SBF1: variants seen among roughly 807,000 people sequenced by gnomAD.
SBF1 encodes myotubularin-related protein 5.
A neutral mutation model predicts 215.8 loss-of-function variants in SBF1; 65 were observed. The ratio of observed to expected loss-of-function variants is 0.30; its 90% CI spans 0.25 to 0.37. The LOEUF (loss-of-function observed/expected upper bound fraction) is 0.37. Among genes scored for constraint, SBF1 ranks in the 10% least tolerant of loss-of-function variants. The pLI is 1.00. For missense variants in SBF1, 2,634 were observed against 2,667.8 expected (o/e 0.99, Z 0.28); for synonymous variants, 1,410 against 1,122.8 (o/e 1.26, Z -5.11).
intron 36 of SBF1, among the ~76,000 whole-genome samples, chr22:50,450,294 G>T (rs2066996292): frequency 6.6e-6 from 1 of 152,192 alleles, no homozygotes; most frequent in Non-Finnish European, 1.5e-5. Flanking sequence ...GCCAATGCGG[G>T]TGGATAACCT....
chr22:50,454,893 G>T lies in SBF1; in HGVS notation c.4733C>A (p.Ser1578Tyr), dbSNP rs780725556. ...CAGCCGGTCCACATACTCCCACACA[G>T]ACCTGCACGGCACCTGGCCCCTGCG... The part of the protein sequence containing the change: ...GERRGQVPCR[S>Y]VWEYVDRLSK... The change falls in exon 35 of 41, where the codon TCT becomes TAT. Residue 1578 changes from serine to tyrosine, a missense_variant. Ser to Tyr is a moderately radical substitution (Grantham distance 144). Coordinates refer to ENST00000380817, the MANE Select transcript of SBF1 (RefSeq NM_002972.4). The T allele has an allele frequency of 2.5e-6, 4 of 1,614,072 alleles. No individual in the cohort carries two copies. The East Asian group carries it at 8.9e-5, about 36-fold the overall frequency.
intron 36 of SBF1, among the ~76,000 whole-genome samples, chr22:50,450,717 CCAAA>C (rs1260200333): frequency 2.0e-5 from 3 of 152,056 alleles, no homozygotes; most frequent in East Asian, 1.9e-4. Flanking sequence ...GGAGAGCTGC[CCAAA>C]CAAAGCTTAG....
chr22:50,454,520 G>A lies in SBF1; in HGVS notation c.5035C>T (p.Leu1679=), dbSNP rs6010066. 4 of 1,609,046 alleles carry A rather than the reference G, an allele frequency of 2.5e-6. No individual in the cohort carries two copies. The highest frequency in any genetic ancestry group is 3.4e-6 in the Non-Finnish European group (4 of 1,179,604). ...TCTGGGATCACACGCACCTCCAGCA[G>A]GCGTGAGATGGCGTCAGGCTGGGCC... ...PRAQPDAISR[L]LEELQRLETE... The change falls in exon 36 of 41, where the codon CTG becomes TTG. Residue 1679 remains leucine, a synonymous_variant. Transcript: ENST00000380817.
At chr22:50,458,352 T>C (rs2067345754) in intron 28 of SBF1, among the ~76,000 whole-genome samples, 1 of 146,698 alleles carries the variant, frequency 6.8e-6, no homozygotes, top group Non-Finnish European at 1.5e-5. Flanking sequence ...AAGCCACGAC[T>C]ACAGCTGAGT....
rs556959842 is a variant in SBF1, at chr22:50,456,552, C to T, written c.4026G>A (p.Pro1342=). The part of the protein sequence containing the change: ...PPQANGGPPD[P]GFLRPQRAAL... ...CTGCTCGCTGCGGACGCAGGAAGCCCGGGTCGGGAGGGCCCCCGTTGGCCT... is the reference window on the plus strand; with the variant it reads ...CTGCTCGCTGCGGACGCAGGAAGCCTGGGTCGGGAGGGCCCCCGTTGGCCT... Residue 1342 remains proline, a synonymous_variant, in exon 30 of 41, where the codon CCG becomes CCA. Coordinates refer to ENST00000380817, the MANE Select transcript of SBF1 (RefSeq NM_002972.4). 4.7e-5 allele frequency: 74 copies of T among 1,587,360 alleles called. No homozygotes were observed. Among genetic ancestry groups the T allele is most frequent in the East Asian group, 6.8e-5 (3 of 44,060 alleles).
chr22:50,470,889 G>C (rs1023226333), intron 1 of SBF1, among the ~76,000 whole-genome samples: 1 of 152,166 alleles, frequency 6.6e-6, no homozygotes, highest in African/African-American at 2.4e-5. Context: ...GCTGTGAGCA[G>C]CTCTCCTCCT....
rs2067812901 is a variant in SBF1 at position 50,467,367 on chromosome 22, A to AC, written c.519dup (p.Cys174ValfsTer19). ...GAGCCCCCAGCCAGGGGCACAGTGC[A>AC]CGTCAGCAGGTTCCCAATCACGTTC... is the stretch of plus-strand genomic sequence containing the variant. On this transcript the variant is annotated frameshift_variant, in exon 5 of 41. Coordinates refer to ENST00000380817, the MANE Select transcript of SBF1 (RefSeq NM_002972.4). LOFTEE classifies it high-confidence loss of function. 6.2e-7 allele frequency: 1 copy of AC among 1,613,994 alleles called. No homozygotes were observed. The highest frequency in any genetic ancestry group is 1.3e-5 in the African/African-American group (1 of 74,928).
Position 50,466,056 on chromosome 22 carries a change from C to G in SBF1, c.916G>C (p.Asp306His). Residue 306 changes from aspartate to histidine, a missense_variant, in exon 9 of 41, where the codon GAT becomes CAT. Asp to His is a moderately conservative substitution (Grantham distance 81). Transcript: ENST00000380817. ...TQELLDVIVA[D>H]LDGGTVTIPE... is the part of the protein sequence containing the mutation. The stretch of plus-strand genomic sequence containing the variant: ...ATGGTGACCGTCCCTCCATCCAGAT[C>G]AGCAACAATCACATCGAGCTGCGGA... 1 of 1,613,860 alleles carries G rather than the reference C, an allele frequency of 6.2e-7. No homozygotes were observed. The highest frequency in any genetic ancestry group is 8.5e-7 in the Non-Finnish European group (1 of 1,180,040).
At chr22:50,454,784 G>A in intron 35 of SBF1, 30 bp downstream of exon 35, 1 of 1,608,542 alleles carries the variant, frequency 6.2e-7, no homozygotes, top group Non-Finnish European at 8.5e-7. Context: ...TCGGGCAGGA[G>A]CCGCCTACCC....
Position 50,456,512 on chromosome 22 carries a change from C to A in SBF1, c.4066G>T (p.Gly1356Trp). 1 of 1,579,032 alleles carries A rather than the reference C, an allele frequency of 6.3e-7. No individual in the cohort carries two copies. ...GTCACCTTGAGCTGGGCTTTGTCCCCAAGGATATAGAGGGCTGCTCGCTGC... is the reference window on the plus strand; with the variant it reads ...GTCACCTTGAGCTGGGCTTTGTCCCAAAGGATATAGAGGGCTGCTCGCTGC... ...RPQRAALYILGDKAQLKGVRS... is the reference protein window; with the variant it reads ...RPQRAALYILWDKAQLKGVRS... The change falls in exon 30 of 41, where the codon GGG becomes TGG. Residue 1356 changes from glycine to tryptophan, a missense_variant. Transcript: ENST00000380817.
rs374287730 is a variant in SBF1, at chr22:50,456,278, C to G, written c.4204G>C (p.Ala1402Pro). 6.2e-7 allele frequency: 1 copy of G among 1,612,654 alleles called. No homozygotes were observed. Among genetic ancestry groups the G allele is most frequent in the East Asian group, 2.2e-5 (1 of 44,870 alleles). Residue 1402 changes from alanine (A) to proline (P), a missense_variant, in exon 31 of 41, where the codon GCT becomes CCT. Coordinates refer to ENST00000380817, the MANE Select transcript of SBF1 (RefSeq NM_002972.4). ...LLKACVPGCP[A>P]AEPSPASFLR... ...AAGGAGGCTGGGCTGGGCTCAGCAG[C>G]GGGGCAGCCTGGGACACATGCTTTC...
rs767535412 is a variant in SBF1 at position 50,448,371 on chromosome 22, C to T, written c.5225G>A (p.Gly1742Glu). Residue 1742 changes from glycine to glutamate, a missense_variant, in exon 38 of 41, where the codon GGG (glycine) becomes GAG (glutamate). Gly to Glu is a moderately conservative substitution (Grantham distance 98). Transcript: ENST00000380817. Reference sequence around the variant, plus strand: ...GAGGCTCAGGGTGGAGCCCACGGGCCCCTCCTGCAGGTACACACCCAGCGA... The same window carrying T: ...GAGGCTCAGGGTGGAGCCCACGGGCTCCTCCTGCAGGTACACACCCAGCGA... ...RRSLGVYLQE[G>E]PVGSTLSLSL... 10 of 1,613,930 alleles carry T rather than the reference C, an allele frequency of 6.2e-6. No homozygotes were observed. The highest frequency in any genetic ancestry group is 5.1e-6 in the Non-Finnish European group (6 of 1,180,038).
Position 50,446,819 on chromosome 22 carries a change from C to T in SBF1, c.*323G>A, listed in dbSNP as rs1569507521. 1.5e-6 allele frequency: 1 copy of T among 680,258 alleles called. No individual in the cohort carries two copies. The highest frequency in any genetic ancestry group is 2.7e-6 in the Non-Finnish European group (1 of 364,676). The allele number at this position is 680,258 out of a possible 1,614,324, so 42.1% of individuals were successfully genotyped here. On this transcript the variant is annotated 3_prime_UTR_variant, in exon 41 of 41. Coordinates refer to ENST00000380817, the MANE Select transcript of SBF1 (RefSeq NM_002972.4). ...GGCACAGGAGCGTGGCGTTAGTTCT[C>T]TCTTTATATAGACTCTGGTTCTAGA...
At chr22:50,468,001 C>T in intron 2 of SBF1, 78 bp from the exon 3 acceptor site, 2 of 1,555,074 alleles carry the variant, frequency 1.3e-6, no homozygotes, top group South Asian at 1.2e-5. Context: ...AGCATCTGCA[C>T]CACCAGGCCT....
Position 50,459,639 on chromosome 22 carries a change from C to T in SBF1, c.3519G>A (p.Gln1173=). ...GCTGCAGGGCGTTGTCCTGGACACT[C>T]TGGGGCACGATCAGCAGCCCTGGGT... ...RSYPGLLIVP[Q]SVQDNALQRV... The change falls in exon 27 of 41, where the codon CAG becomes CAA. Residue 1173 remains glutamine, a synonymous_variant. Transcript: ENST00000380817. The T allele has an allele frequency of 6.2e-7, 1 of 1,607,852 alleles. No homozygotes were observed. The highest frequency in any genetic ancestry group is 8.5e-7 in the Non-Finnish European group (1 of 1,178,090).
At chr22:50,474,670 ACCCAGCCCCCAGCCCTCGGCC>A (rs1569515258) in intron 1 of SBF1, 95 bp downstream of exon 1, 9 of 550,880 alleles carry the variant, frequency 1.6e-5, no homozygotes, top group East Asian at 1.1e-4. Context: ...CGGCCTCCCG[ACCCAGCCCCCAGCCCTCGGCC>A]CCCAGCCCCC....
At chr22:50,458,409 G>C (rs1401478377) in intron 28 of SBF1, among the ~76,000 whole-genome samples, 2 of 152,102 alleles carry the variant, frequency 1.3e-5, no homozygotes, top group Non-Finnish European at 2.9e-5. Context: ...GGGACACGGG[G>C]AGGCAGCAGC....
At chr22:50,462,177 T>G (rs568606740) in intron 19 of SBF1, 28 bp downstream of exon 19, 191 of 1,606,990 alleles carry the variant, frequency 1.2e-4, no homozygotes, top group Admixed American at 2.3e-4. Flanking sequence ...CCGCCTCCAC[T>G]GGGCCCAACC....
chr22:50,463,492 G>C, intron 15 of SBF1, 60 bp from the exon 16 acceptor site: 1 of 1,474,844 alleles, frequency 6.8e-7, no homozygotes, highest in Non-Finnish European at 9.0e-7. Flanking sequence ...TCGGGGCCCT[G>C]GCAGGGAGGG....
Sources: gnomAD v4.1 joint callset for allele counts (sites outside exome capture counted in the v4.1 genomes callset) on GRCh38, gnomAD v4.1.1 for gene constraint, MANE v1.5 for transcripts, NCBI Gene and HGNC (gene_info 2026-07-23, HGNC 2026-07-21) for gene names.